The following PNKD variants were observed in gnomAD, a reference collection of about 807,000 sequenced individuals.
The protein encoded by PNKD is probable thioesterase PNKD.
A neutral mutation model predicts 45.3 loss-of-function variants in PNKD; 36 were observed. The ratio of observed to expected loss-of-function variants is 0.80; its 90% CI spans 0.61 to 1.05. The LOEUF (loss-of-function observed/expected upper bound fraction) is 1.05. PNKD is among the 50% of genes least tolerant of loss of function. PNKD has a pLI of 0.00. For missense variants in PNKD, 511 were observed against 506.6 expected, an observed-to-expected ratio of 1.01 and a Z score of -0.08; for synonymous variants, 197 against 210.1, an observed-to-expected ratio of 0.94 and a Z score of 0.54.
At chr2:218,323,354 C>G in intron 2 of PNKD, 1 of 1,581,144 alleles carries the variant, frequency 6.3e-7, no homozygotes, top group Non-Finnish European at 8.6e-7. Context: ...TACTTGTGAG[C>G]CCCCGCGGCT....
chr2:218,280,007 C>T lies in PNKD; in HGVS notation c.236+8458C>T, dbSNP rs374119891. On this transcript the variant is annotated intron_variant, in intron 2 of 9. Transcript: ENST00000273077. Reference sequence around the variant, plus strand: ...CCTGAGGGGCCCCAGGTACACCCACCTCCCAGCGCGTATCTTACCTTTCGG... The same window carrying T: ...CCTGAGGGGCCCCAGGTACACCCACTTCCCAGCGCGTATCTTACCTTTCGG... The T allele has an allele frequency of 3.7e-6, 6 of 1,609,174 alleles. No homozygotes were observed. The African/African-American group carries it at 6.7e-5, about 18-fold the overall frequency.
At chr2:218,336,470 T>A (rs62182083) in intron 2 of PNKD, among the ~76,000 whole-genome samples, 13,073 of 152,186 alleles carry the variant, frequency 0.086, 639 homozygotes, top group Non-Finnish European at 0.12. Context: ...ATTTCTTAGC[T>A]TATACATGGA....
chr2:218,290,655 C>T (rs1692874117), intron 2 of PNKD, among the ~76,000 whole-genome samples: 1 of 152,234 alleles, frequency 6.6e-6, no homozygotes, highest in South Asian at 2.1e-4. Flanking sequence ...CTCTGTGCAA[C>T]GGGGCAAAGC....
chr2:218,277,792 C>A, intron 2 of PNKD: 1 of 1,543,494 alleles, frequency 6.5e-7, no homozygotes, highest in Middle Eastern at 1.7e-4. Flanking sequence ...AAAGAGGCAG[C>A]CACAGAGGAG....
intron 2 of PNKD, chr2:218,334,850 T>C (rs1694442227): frequency 1.5e-6 from 1 of 679,072 alleles, no homozygotes. Context: ...GGAGATACTT[T>C]GAGATTATGC....
rs1694679074 is a variant in PNKD at position 218,341,595 on chromosome 2, A to G, written c.586A>G (p.Ser196Gly). The G allele has an allele frequency of 6.3e-7, 1 of 1,591,718 alleles. No homozygotes were observed. The highest frequency in any genetic ancestry group is 8.6e-7 in the Non-Finnish European group (1 of 1,169,274). ...GCACCGGGACTGTCGGGTGTACGGG[A>G]GCCCTCAGGACGGCATCCCCTACCT... Reference protein sequence around the residue: ...RRHRDCRVYGSPQDGIPYLTH... With the variant: ...RRHRDCRVYGGPQDGIPYLTH... Residue 196 changes from serine (S) to glycine (G), a missense_variant, in exon 6 of 10, where the codon AGC becomes GGC. Coordinates refer to ENST00000273077, the MANE Select transcript of PNKD (RefSeq NM_015488.5).
intron 2 of PNKD, chr2:218,287,297 T>G (rs1692598129): frequency 6.6e-6 from 1 of 152,244 alleles, no homozygotes. Context: ...GGTTTGGAAC[T>G]TCCCTTCCCA....
chr2:218,338,228 A>G (rs559860269), intron 2 of PNKD, among the ~76,000 whole-genome samples: 2 of 152,208 alleles, frequency 1.3e-5, no homozygotes, highest in South Asian at 4.1e-4. Context: ...TGAAAGGCCG[A>G]GGCAGGCGGA....
intron 2 of PNKD, chr2:218,334,692 G>C (rs906349640): frequency 2.3e-5 from 16 of 702,426 alleles, no homozygotes; most frequent in Non-Finnish European, 4.2e-5. Flanking sequence ...AAATACCACA[G>C]AAGTGATCTT....
chr2:218,289,591 G>A (rs988604865), intron 2 of PNKD, among the ~76,000 whole-genome samples: 3 of 127,854 alleles, frequency 2.3e-5, no homozygotes, highest in Non-Finnish European at 3.1e-5. Context: ...GCAGTGAGCC[G>A]AGACCATGCC....
chr2:218,342,217 G>A, intron 7 of PNKD, 73 bp downstream of exon 7: 2 of 1,255,280 alleles, frequency 1.6e-6, no homozygotes, highest in Non-Finnish European at 1.1e-6. Flanking sequence ...ACAGTCCCAT[G>A]GAGAGCACTG....
chr2:218,326,811 C>A lies in PNKD; in HGVS notation c.237-12972C>A, dbSNP rs1042084931. On this transcript the variant is annotated intron_variant, in intron 2 of 9. Coordinates refer to ENST00000273077, the MANE Select transcript of PNKD (RefSeq NM_015488.5). The surrounding 1 kb of genome is among the most constrained non-coding windows in gnomAD (Gnocchi z 4.1). Reference sequence around the variant, plus strand: ...CTGCCCTAGGTAAGGACTGTGGGGTCCCAGATATGAACAGGTTCTGATCGC... The same window carrying A: ...CTGCCCTAGGTAAGGACTGTGGGGTACCAGATATGAACAGGTTCTGATCGC... 2 of 152,230 alleles carry A rather than the reference C, an allele frequency of 1.3e-5. No homozygotes were observed. Among genetic ancestry groups the A allele is most frequent in the Admixed American group, 6.5e-5 (1 of 15,268 alleles). The allele number at this position is 152,230 out of a possible 1,614,324, so 9.4% of individuals were successfully genotyped here.
intron 2 of PNKD, among the ~76,000 whole-genome samples, chr2:218,321,146 T>C (rs1693975465): frequency 6.9e-6 from 1 of 144,030 alleles, no homozygotes; most frequent in Non-Finnish European, 1.5e-5. Context: ...GCATTTCCTG[T>C]TTCAGATTAC....
chr2:218,297,916 T>C (rs973141758), intron 2 of PNKD, among the ~76,000 whole-genome samples: 4 of 148,094 alleles, frequency 2.7e-5, no homozygotes, highest in African/African-American at 1.0e-4. Context: ...GAGAATGGCA[T>C]GAACCCGGGA....
Position 218,287,252 on chromosome 2 carries a change from T to C in PNKD, c.236+15703T>C, listed in dbSNP as rs558743242. ...GAAACCCCAGAGCCAAGAAAGTTCC[T>C]GCTCCACCCCAGAACAGCCCTCTTC... On this transcript the variant is annotated intron_variant, in intron 2 of 9. Coordinates refer to ENST00000273077, the MANE Select transcript of PNKD (RefSeq NM_015488.5). 3.9e-5 allele frequency: 6 copies of C among 152,456 alleles called. No homozygotes were observed. In the East Asian group the frequency reaches 1.2e-3, roughly 29 times the overall value. The allele number at this position is 152,456 out of a possible 1,614,324, so 9.4% of individuals were successfully genotyped here.
At chr2:218,280,556 C>A in intron 2 of PNKD, 1 of 233,672 alleles carries the variant, frequency 4.3e-6, no homozygotes, top group Non-Finnish European at 8.6e-6. Context: ...AGACAGGGAT[C>A]TGCATCAGCC....
At chr2:218,330,427 C>T (rs939342432) in intron 2 of PNKD, among the ~76,000 whole-genome samples, 7 of 152,292 alleles carry the variant, frequency 4.6e-5, no homozygotes, top group Non-Finnish European at 7.3e-5. Flanking sequence ...TTGCCTCCCA[C>T]GGGGCTGGAG....
chr2:218,293,844 T>C (rs1427882271), intron 2 of PNKD, among the ~76,000 whole-genome samples: 1 of 143,808 alleles, frequency 7.0e-6, no homozygotes, highest in Non-Finnish European at 1.5e-5. Flanking sequence ...ACCCCTGAGC[T>C]CAAAGCAGTC....
At chr2:218,279,075 A>T (rs1168163299) in intron 2 of PNKD, 1 of 1,613,984 alleles carries the variant, frequency 6.2e-7, no homozygotes, top group East Asian at 2.2e-5. Context: ...CTCCTCACAA[A>T]GGCGCTGACA....
Sources: allele counts gnomAD v4.1 joint callset (sites outside exome capture counted in the v4.1 genomes callset), GRCh38; gene constraint gnomAD v4.1.1; non-coding constraint Gnocchi (gnomAD v3.1); transcripts MANE v1.5; gene names NCBI Gene and HGNC (gene_info 2026-07-23, HGNC 2026-07-21).